The following HSF5 variants were observed in gnomAD, a reference collection of about 807,000 sequenced individuals.
HSF5 encodes heat shock transcription factor 5.
Under a neutral mutation model 50.8 loss-of-function variants are expected in HSF5, and 5 were observed. That is an observed-to-expected ratio of 0.10 (90% CI 0.05 to 0.21). The LOEUF (loss-of-function observed/expected upper bound fraction) is 0.21. Among genes scored for constraint, HSF5 ranks in the 10% least tolerant of loss-of-function variants. The pLI, the probability that HSF5 is intolerant of heterozygous loss-of-function variation, is 1.00. For synonymous variants in HSF5, 307 were observed against 307.4 expected, an observed-to-expected ratio of 1.00 and a Z score of 0.02; for missense variants, 564 against 762.6, an observed-to-expected ratio of 0.74 and a Z score of 3.07.
rs1240338504 is a variant in HSF5, at chr17:58,488,073, C to G, written c.202G>C (p.Glu68Gln). 1.3e-6 allele frequency: 2 copies of G among 1,582,396 alleles called. No individual in the cohort carries two copies. The highest frequency in any genetic ancestry group is 2.8e-5 in the African/African-American group (2 of 71,808). ...GGGGTAGAGA[E>Q]PELFKTTSFT... ...CTGGTGGTTTTGAAGAGCTCGGGCT[C>G]GGCCCCGGCCCCCGCAGTCCCGCCA... The change falls in exon 1 of 6, where the codon GAG becomes CAG. Residue 68 changes from glutamate to glutamine, a missense_variant. This residue lies in a region of HSF5 where 72 missense variants were observed against 110.9 expected (regional missense o/e 0.65). Coordinates refer to ENST00000323777, the MANE Select transcript of HSF5 (RefSeq NM_001080439.3). The surrounding 1 kb of genome is among the most constrained non-coding windows in gnomAD (Gnocchi z 4.1).
chr17:58,459,246 C>T (rs1337994741), intron 4 of HSF5, among the ~76,000 whole-genome samples: 1 of 151,764 alleles, frequency 6.6e-6, no homozygotes, highest in Non-Finnish European at 1.5e-5. Flanking sequence ...CATTGTTGTC[C>T]AGGCGGGAGT....
chr17:58,447,661 C>T (rs1974578476), intron 5 of HSF5, among the ~76,000 whole-genome samples: 1 of 151,996 alleles, frequency 6.6e-6, no homozygotes, highest in South Asian at 2.1e-4. Flanking sequence ...AGAGCTGCAG[C>T]GTACGTGGGC....
At chr17:58,432,779 A>G (rs12950028) in intron 5 of HSF5, among the ~76,000 whole-genome samples, 30,230 of 152,146 alleles carry the variant, frequency 0.2, 3,166 homozygotes, top group Non-Finnish European at 0.22. Context: ...AGGGGCCAAG[A>G]GCAGAAGCAG....
chr17:58,467,028 A>G (rs750943366), intron 2 of HSF5, 49 bp from the exon 3 acceptor site: 2 of 1,233,146 alleles, frequency 1.6e-6, no homozygotes, highest in East Asian at 2.3e-5. Flanking sequence ...ATACATTTCT[A>G]TAGCATTCAA....
intron 3 of HSF5, among the ~76,000 whole-genome samples, chr17:58,464,937 A>AT (rs750451910): frequency 0.012 from 1,703 of 140,168 alleles, 17 homozygotes; most frequent in African/African-American, 0.031. Flanking sequence ...CGCCTGGCAG[A>AT]TTTTTTTTTT....
chr17:58,429,406 G>T (rs1023037010), intron 5 of HSF5, among the ~76,000 whole-genome samples: 3 of 152,196 alleles, frequency 2.0e-5, no homozygotes, highest in African/African-American at 7.2e-5. Context: ...GCGAGGCATG[G>T]TGGCCCATGC....
intron 2 of HSF5, among the ~76,000 whole-genome samples, chr17:58,473,876 T>C (rs995725214): frequency 1.3e-4 from 20 of 152,188 alleles, no homozygotes; most frequent in Non-Finnish European, 8.8e-5. Context: ...ACAATTTTTT[T>C]TTTTTGAGAC....
rs59043902 is a variant in HSF5, at chr17:58,433,911, A to ATTTTTTTTTTT, written c.1721-11492_1721-11482dup. ...GAGGTATGAAGGAAAGGTCAAAGGG[A>ATTTTTTTTTTT]TTTTTTTTTTTTTTTTTTTTAGATG... is the stretch of plus-strand genomic sequence containing the variant. On this transcript the variant is annotated intron_variant, in intron 5 of 5. Coordinates refer to ENST00000323777, the MANE Select transcript of HSF5 (RefSeq NM_001080439.3). Among the ~76,000 whole-genome samples the ATTTTTTTTTTT allele has an allele frequency of 9.1e-4, 99 of 109,326 alleles. 5 individuals are homozygous for ATTTTTTTTTTT. Among genetic ancestry groups the ATTTTTTTTTTT allele is most frequent in the Middle Eastern group, 5.9e-3 (1 of 170 alleles). 71.7% of individuals were successfully genotyped at this position (109,326 alleles called of 152,430 possible). A position where few individuals can be genotyped will look rare whatever the true frequency, so the allele number is the denominator to read the frequency against.
chr17:58,479,372 T>C (rs1275738683), intron 2 of HSF5, among the ~76,000 whole-genome samples: 2 of 152,258 alleles, frequency 1.3e-5, no homozygotes, highest in Non-Finnish European at 1.5e-5. Flanking sequence ...GAGTGATCTC[T>C]GCTTACTGCA....
intron 5 of HSF5, among the ~76,000 whole-genome samples, chr17:58,447,250 G>A (rs770012146): frequency 1.1e-4 from 16 of 152,182 alleles, no homozygotes; most frequent in Non-Finnish European, 1.8e-4. Flanking sequence ...CTCCTGGATG[G>A]TGCTTCTATA....
chr17:58,428,907 C>T (rs1433086483), intron 5 of HSF5, among the ~76,000 whole-genome samples: 2 of 152,062 alleles, frequency 1.3e-5, no homozygotes, highest in Non-Finnish European at 2.9e-5. Flanking sequence ...CCCCGAAGAA[C>T]CAAAAACAGT....
At chr17:58,476,173 ATCATCT>A in intron 2 of HSF5, 3 of 1,004,022 alleles carry the variant, frequency 3.0e-6, no homozygotes, top group Non-Finnish European at 4.5e-6. Context: ...CCCCTTCATC[ATCATCT>A]TCATCTTCTT....
chr17:58,428,289 T>A (rs1974319733), intron 5 of HSF5, among the ~76,000 whole-genome samples: 1 of 152,172 alleles, frequency 6.6e-6, no homozygotes, highest in Non-Finnish European at 1.5e-5. Context: ...CTCAAAACAA[T>A]ATATTTTCTC....
intron 4 of HSF5, among the ~76,000 whole-genome samples, chr17:58,461,986 G>A (rs976603414): frequency 1.3e-5 from 2 of 152,156 alleles, no homozygotes; most frequent in African/African-American, 2.4e-5. Flanking sequence ...TGGGTGAATA[G>A]TGTACAGTGT....
rs1975017951 is a variant in HSF5 at position 58,476,810 on chromosome 17, T to A, written c.925+3083A>T. 6.3e-6 allele frequency: 10 copies of A among 1,580,104 alleles called. No individual in the cohort carries two copies. The East Asian group carries it at 2.2e-4, about 35-fold the overall frequency. The stretch of plus-strand genomic sequence containing the variant: ...TTTCAAAATCTCCTCACTGGCTTGT[T>A]CATTAAGTCTGTCTATTTCATTTTG... On this transcript the variant is annotated intron_variant, in intron 2 of 5. Transcript: ENST00000323777.
At chr17:58,474,974 T>C (rs906797239) in intron 2 of HSF5, among the ~76,000 whole-genome samples, 3 of 152,172 alleles carry the variant, frequency 2.0e-5, no homozygotes, top group Non-Finnish European at 4.4e-5. Context: ...CCATTTTCTA[T>C]GTAACATGGT....
intron 5 of HSF5, among the ~76,000 whole-genome samples, chr17:58,444,324 T>C (rs1403858290): frequency 6.6e-6 from 1 of 152,202 alleles, no homozygotes. Flanking sequence ...TTTCAAAACA[T>C]ACTACAAAGC....
At chr17:58,467,163 T>C (rs1431890034) in intron 2 of HSF5, among the ~76,000 whole-genome samples, 184 bp from the exon 3 acceptor site, 2 of 152,170 alleles carry the variant, frequency 1.3e-5, no homozygotes, top group African/African-American at 2.4e-5. Flanking sequence ...AGTAACAAAA[T>C]AATTTTAAAG....
intron 2 of HSF5, among the ~76,000 whole-genome samples, chr17:58,471,031 G>C (rs1437269041): frequency 6.6e-6 from 1 of 152,124 alleles, no homozygotes; most frequent in East Asian, 1.9e-4. Context: ...GTGGTTGCTA[G>C]GGACAACCTC....
Sources: gnomAD v4.1 joint callset for allele counts (sites outside exome capture counted in the v4.1 genomes callset) on GRCh38, gnomAD v4.1.1 for gene constraint, gnomAD v4.1.1 regional missense constraint, Gnocchi (gnomAD v3.1) non-coding constraint, MANE v1.5 for transcripts, NCBI Gene and HGNC (gene_info 2026-07-23, HGNC 2026-07-21) for gene names.